Variants in KIAA1549L observed in about 807,000 individuals in gnomAD.
KIAA1549L encodes KIAA1549 like.
A neutral mutation model predicts 160.7 loss-of-function variants in KIAA1549L; 88 were observed. That is an observed-to-expected ratio of 0.55 (90% CI 0.46 to 0.65). The LOEUF (loss-of-function observed/expected upper bound fraction) is 0.65, where lower values mean the gene tolerates loss of function less well. Ranked by LOEUF, KIAA1549L falls within the 30% of genes least tolerant of loss-of-function variation. The pLI, the probability that KIAA1549L is intolerant of heterozygous loss-of-function variation, is 0.00. For missense variants in KIAA1549L, 2,258 were observed against 2,437.5 expected (o/e 0.93, Z 1.55); for synonymous variants, 950 against 976.7 (o/e 0.97, Z 0.51).
intron 1 of KIAA1549L, among the ~76,000 whole-genome samples, chr11:33,458,198 C>G (rs975032207): frequency 6.6e-6 from 1 of 152,148 alleles, no homozygotes; most frequent in Non-Finnish European, 1.5e-5. Context: ...AGCACAGGGC[C>G]AGGGGTCAGA....
chr11:33,531,390 G>A (rs1027043595), intron 1 of KIAA1549L, among the ~76,000 whole-genome samples: 1 of 152,154 alleles, frequency 6.6e-6, no homozygotes, highest in African/African-American at 2.4e-5. Context: ...CAGGAGAATT[G>A]CTTGAACATG....
intron 1 of KIAA1549L, among the ~76,000 whole-genome samples, chr11:33,495,704 C>T (rs1460414972): frequency 1.2e-3 from 182 of 152,044 alleles, no homozygotes; most frequent in Middle Eastern, 3.4e-3. Flanking sequence ...ATCGCCACAC[C>T]GACTTCCACA....
chr11:33,394,490 A>T (rs1460347573), intron 1 of KIAA1549L, among the ~76,000 whole-genome samples: 3 of 152,208 alleles, frequency 2.0e-5, no homozygotes, highest in Admixed American at 6.5e-5. Flanking sequence ...GCTTTTCCAT[A>T]AAGAAAAGTC....
chr11:33,615,430 G>A lies in KIAA1549L; in HGVS notation c.5280-3103G>A, dbSNP rs947303082. The stretch of plus-strand genomic sequence containing the variant: ...TTCTCAAGTTTGTATGCTTCAAAAT[G>A]TATTGCCTTTAAAAAGTATATAGCA... On this transcript the variant is annotated intron_variant, in intron 15 of 20. Coordinates refer to ENST00000658780, the MANE Select transcript of KIAA1549L (RefSeq NM_012194.3). Among the ~76,000 whole-genome samples, 19 of 152,312 alleles carry A rather than the reference G, an allele frequency of 1.2e-4. No homozygotes were observed. In the East Asian group the frequency reaches 1.3e-3, roughly 11 times the overall value.
At chr11:33,391,259 T>C in intron 1 of KIAA1549L, among the ~76,000 whole-genome samples, 1 of 152,226 alleles carries the variant, frequency 6.6e-6, no homozygotes. Flanking sequence ...CTAATTTTCT[T>C]GAATGAGCAT....
intron 18 of KIAA1549L, among the ~76,000 whole-genome samples, chr11:33,657,873 T>C (rs1282196558): frequency 1.3e-5 from 2 of 152,202 alleles, no homozygotes; most frequent in East Asian, 3.9e-4. Flanking sequence ...TCCCTTGCCG[T>C]GGCTGTCATT....
intron 1 of KIAA1549L, among the ~76,000 whole-genome samples, chr11:33,458,848 C>G (rs1198852531): frequency 6.6e-6 from 1 of 152,140 alleles, no homozygotes; most frequent in Non-Finnish European, 1.5e-5. Context: ...GCTTGTGTCC[C>G]CCCTGGGAAG....
chr11:33,564,803 G>A (rs1387731071), intron 8 of KIAA1549L, among the ~76,000 whole-genome samples: 1 of 152,224 alleles, frequency 6.6e-6, no homozygotes, highest in Non-Finnish European at 1.5e-5. Flanking sequence ...GGAGGGAGAA[G>A]TATTAACTGA....
chr11:33,402,293 C>A (rs749341962), intron 1 of KIAA1549L, among the ~76,000 whole-genome samples: 14 of 152,172 alleles, frequency 9.2e-5, no homozygotes, highest in Non-Finnish European at 2.9e-5. Context: ...ATCCTAGACT[C>A]CTCCTCCTCC....
chr11:33,668,405 G>A lies in KIAA1549L; in HGVS notation c.*251G>A. On this transcript the variant is annotated 3_prime_UTR_variant, in exon 21 of 21. Transcript: ENST00000658780. ...TGTTTGATACTCTCTCATGTCAAAT[G>A]TTTGAACTTTGGGCATGTGCCCTAT... The A allele has an allele frequency of 1.9e-6, 1 of 535,336 alleles. No homozygotes were observed. The highest frequency in any genetic ancestry group is 3.3e-6 in the Non-Finnish European group (1 of 300,088). 33.2% of individuals were successfully genotyped at this position (535,336 alleles called of 1,614,324 possible). A position where few individuals can be genotyped will look rare whatever the true frequency, so the allele number is the denominator to read the frequency against.
intron 1 of KIAA1549L, among the ~76,000 whole-genome samples, chr11:33,395,527 AAAG>A (rs1373650559): frequency 6.6e-6 from 1 of 152,196 alleles, no homozygotes; most frequent in African/African-American, 2.4e-5. Flanking sequence ...TATAATATGA[AAAG>A]AAGGCTATTT....
chr11:33,485,463 ATTTG>A (rs1372648522), intron 1 of KIAA1549L, among the ~76,000 whole-genome samples: 2 of 152,142 alleles, frequency 1.3e-5, no homozygotes, highest in Non-Finnish European at 2.9e-5. Context: ...AAAAGTATCT[ATTTG>A]TTTTTTAAAT....
chr11:33,400,397 G>T (rs1201252351), intron 1 of KIAA1549L, among the ~76,000 whole-genome samples: 1 of 152,148 alleles, frequency 6.6e-6, no homozygotes, highest in Non-Finnish European at 1.5e-5. Flanking sequence ...TTTACCCTGG[G>T]TTACAATGGG....
chr11:33,546,500 C>T (rs1420125795), intron 3 of KIAA1549L, among the ~76,000 whole-genome samples: 1 of 152,194 alleles, frequency 6.6e-6, no homozygotes, highest in Non-Finnish European at 1.5e-5. Flanking sequence ...TACCCCTTCT[C>T]TCCATCCTAT....
At chr11:33,591,958 A>G (rs1412099696) in intron 12 of KIAA1549L, among the ~76,000 whole-genome samples, 1 of 152,210 alleles carries the variant, frequency 6.6e-6, no homozygotes, top group African/African-American at 2.4e-5. Context: ...TGCACTGGAG[A>G]CTGCAGGGCT....
rs1855394007 is a variant in KIAA1549L, at chr11:33,574,877, A to G, written c.4402+4A>G. Reference sequence around the variant, plus strand: ...GTTGTCCTTCTGCAAGCTGACCGTAAGGGAATGGTCTTTTTATTCAGTCTT... The same window carrying G: ...GTTGTCCTTCTGCAAGCTGACCGTAGGGGAATGGTCTTTTTATTCAGTCTT... On this transcript the variant is annotated splice_donor_region_variant and intron_variant, in intron 10 of 20. Transcript: ENST00000658780. The G allele has an allele frequency of 6.2e-7, 1 of 1,611,578 alleles. No individual in the cohort carries two copies. Among genetic ancestry groups the G allele is most frequent in the Non-Finnish European group, 8.5e-7 (1 of 1,178,494 alleles).
At chr11:33,515,042 A>C (rs1430772361) in intron 1 of KIAA1549L, among the ~76,000 whole-genome samples, 1 of 152,126 alleles carries the variant, frequency 6.6e-6, no homozygotes, top group African/African-American at 2.4e-5. Flanking sequence ...CCCCTCCCCC[A>C]CAGCAATGTT....
chr11:33,598,228 G>A (rs1238300093), intron 12 of KIAA1549L, among the ~76,000 whole-genome samples: 1 of 147,802 alleles, frequency 6.8e-6, no homozygotes, highest in Non-Finnish European at 1.5e-5. Flanking sequence ...GTGTGTGTGT[G>A]TCAGAGTGAA....
chr11:33,407,863 C>T (rs1229943792), intron 1 of KIAA1549L, among the ~76,000 whole-genome samples: 1 of 152,184 alleles, frequency 6.6e-6, no homozygotes, highest in Non-Finnish European at 1.5e-5. Flanking sequence ...TCCATTTTCT[C>T]TCTTCCCTTT....
Sources: gnomAD v4.1 joint callset for allele counts (sites outside exome capture counted in the v4.1 genomes callset) on GRCh38, gnomAD v4.1.1 for gene constraint, MANE v1.5 for transcripts, NCBI Gene and HGNC (gene_info 2026-07-23, HGNC 2026-07-21) for gene names.